PLAC1: variants seen among roughly 807,000 people sequenced by gnomAD.
The protein encoded by PLAC1 is placenta-specific protein 1.
For synonymous variants in PLAC1, 68 were observed against 62.1 expected (o/e 1.09, Z -0.44); for missense variants, 136 against 163.2 (o/e 0.83, Z 0.91).
intron 2 of PLAC1, among the ~76,000 whole-genome samples, chrX:134,580,047 G>C (rs1407960406): frequency 8.9e-6 from 1 of 112,389 alleles, no homozygotes; most frequent in Non-Finnish European, 1.9e-5. Flanking sequence ...TAGAAGAACA[G>C]AAAGAGGTTC....
intron 1 of PLAC1, among the ~76,000 whole-genome samples, chrX:134,629,968 C>CTTTT (rs368081621): frequency 3.3e-5 from 3 of 89,905 alleles, no homozygotes; most frequent in Non-Finnish European, 4.4e-5. Flanking sequence ...CTCTTCTTCC[C>CTTTT]TTTTTTTTTT....
intron 1 of PLAC1, among the ~76,000 whole-genome samples, chrX:134,647,529 G>T (rs1298713714): frequency 9.2e-6 from 1 of 108,173 alleles, no homozygotes; most frequent in African/African-American, 3.4e-5. Flanking sequence ...TATGAACTTT[G>T]CTTGGCTAGC....
intron 2 of PLAC1, among the ~76,000 whole-genome samples, chrX:134,675,422 T>A (rs778204350): frequency 8.9e-6 from 1 of 112,201 alleles, no homozygotes; most frequent in Admixed American, 9.4e-5. Flanking sequence ...TCCCAGCATT[T>A]CGGGAGGCCG....
intron 1 of PLAC1, among the ~76,000 whole-genome samples, chrX:134,758,399 T>C (rs1329325986): frequency 8.9e-6 from 1 of 111,848 alleles, no homozygotes; most frequent in Admixed American, 9.5e-5. Context: ...CTTCAAAATA[T>C]ATTGCAAGGC....
intron 2 of PLAC1, among the ~76,000 whole-genome samples, chrX:134,590,469 T>A (rs2078033021): frequency 8.9e-6 from 1 of 111,934 alleles, no homozygotes; most frequent in South Asian, 3.8e-4. Context: ...CACACATCAT[T>A]ACTTAGTATT....
At position 134,750,818 on chromosome X, in the gene PLAC1, T is replaced by A. The variant is rs865897938; in HGVS notation, n.89+13416A>T. ...ATAAAAATACAAAAAAAAAAATATA[T>A]ATATATATATATATATTTATATATA... On this transcript the variant is annotated intron_variant and non_coding_transcript_variant, in intron 1 of 2. Transcript: ENST00000466797. Among the ~76,000 whole-genome samples the A allele has an allele frequency of 5.6e-3, 186 of 33,284 alleles. 23 individuals are homozygous for A. The highest frequency in any genetic ancestry group is 0.012 in the African/African-American group (67 of 5,367). The allele number at this position is 33,284 out of a possible 115,157, so 28.9% of individuals were successfully genotyped here.
At chrX:134,744,200 T>A (rs1314324831) in intron 1 of PLAC1, among the ~76,000 whole-genome samples, 1 of 106,806 alleles carries the variant, frequency 9.4e-6, no homozygotes, top group African/African-American at 3.5e-5. Flanking sequence ...AAGAATTGCT[T>A]GAACCAAGGG....
chrX:134,744,477 T>C (rs781324762), intron 1 of PLAC1, among the ~76,000 whole-genome samples: 8 of 111,372 alleles, frequency 7.2e-5, no homozygotes, highest in Non-Finnish European at 1.5e-4. Flanking sequence ...CAAGCCTCTG[T>C]TGCCACTGCT....
At chrX:134,724,466 T>G (rs2078667870) in intron 2 of PLAC1, among the ~76,000 whole-genome samples, 1 of 112,626 alleles carries the variant, frequency 8.9e-6, no homozygotes, top group African/African-American at 3.2e-5. Flanking sequence ...CATTGTGCAC[T>G]GAGAGGATGC....
chrX:134,611,184 C>A (rs1336330450), intron 1 of PLAC1, among the ~76,000 whole-genome samples: 1 of 111,003 alleles, frequency 9.0e-6, no homozygotes, highest in Non-Finnish European at 1.9e-5. Context: ...TTGGCCTATA[C>A]TTTTATGATA....
At chrX:134,671,590 GGAGAGAGAGAGA>G (rs567116941) in intron 2 of PLAC1, among the ~76,000 whole-genome samples, 1 of 104,811 alleles carries the variant, frequency 9.5e-6, no homozygotes, top group African/African-American at 3.5e-5. Flanking sequence ...TGGTAGAACA[GGAGAGAGAGAGA>G]GAGAGAGAGA....
chrX:134,755,856 C>CTTTTTTTTTTTTTTTTTTT (rs776901556), intron 1 of PLAC1, among the ~76,000 whole-genome samples: 3 of 45,525 alleles, frequency 6.6e-5, no homozygotes, highest in African/African-American at 1.0e-4. Flanking sequence ...CCTTTTCTTT[C>CTTTTTTTTTTTTTTTTTTT]TTTTTTTTTT....
chrX:134,704,344 T>C (rs1317807091), intron 2 of PLAC1, among the ~76,000 whole-genome samples: 1 of 106,186 alleles, frequency 9.4e-6, no homozygotes, highest in Non-Finnish European at 1.9e-5. Context: ...AATACAAAAA[T>C]TAGCTGGGCG....
chrX:134,747,802 G>T (rs1335177633), intron 1 of PLAC1, among the ~76,000 whole-genome samples: 1 of 111,804 alleles, frequency 8.9e-6, no homozygotes, highest in East Asian at 2.8e-4. Context: ...TAAAATCATA[G>T]AATATTAAGA....
At chrX:134,672,545 T>A (rs187193229) in intron 2 of PLAC1, among the ~76,000 whole-genome samples, 1 of 112,455 alleles carries the variant, frequency 8.9e-6, no homozygotes, top group African/African-American at 3.2e-5. Context: ...GTAATGTTGG[T>A]GCTACTAATC....
chrX:134,616,552 T>C (rs111502848), intron 1 of PLAC1, among the ~76,000 whole-genome samples: 12,140 of 108,151 alleles, frequency 0.11, 1,747 homozygotes, highest in African/African-American at 0.39. Context: ...AGGAGAATGG[T>C]GTGAACCCGG....
chrX:134,701,760 G>A (rs1411336479), intron 2 of PLAC1, among the ~76,000 whole-genome samples: 2 of 112,392 alleles, frequency 1.8e-5, no homozygotes, highest in African/African-American at 3.2e-5. Context: ...GCTCACGCCT[G>A]TAATCCCAGA....
chrX:134,763,860 G>GAAAGAA (rs1321216252), intron 1 of PLAC1, among the ~76,000 whole-genome samples: 4 of 92,356 alleles, frequency 4.3e-5, no homozygotes, highest in African/African-American at 1.2e-4. Flanking sequence ...AAGAAAGAAA[G>GAAAGAA]AGAAAAGAAA....
At chrX:134,578,373 A>G (rs1446562400) in intron 2 of PLAC1, among the ~76,000 whole-genome samples, 2 of 97,234 alleles carry the variant, frequency 2.1e-5, no homozygotes, top group Non-Finnish European at 4.1e-5. Context: ...AGATCGCACC[A>G]CTGCACTCCA....
Sources: gnomAD v4.1 joint callset for allele counts (sites outside exome capture counted in the v4.1 genomes callset) on GRCh38, gnomAD v4.1.1 for gene constraint, MANE v1.5 for transcripts, NCBI Gene and HGNC (gene_info 2026-07-23, HGNC 2026-07-21) for gene names.